Variants in TAF6L observed in about 807,000 individuals in gnomAD.
TAF6L encodes the protein TATA-box binding protein associated factor 6 like, also known as TAF6-like RNA polymerase II p300/CBP-associated factor-associated factor 65 kDa subunit 6L.
Under a neutral mutation model 57.3 loss-of-function variants are expected in TAF6L, and 34 were observed. The ratio of observed to expected loss-of-function variants is 0.59; its 90% CI spans 0.45 to 0.79. The LOEUF (loss-of-function observed/expected upper bound fraction) is 0.79. Ranked by LOEUF, TAF6L falls within the 30% of genes least tolerant of loss-of-function variation. The pLI is 0.00. For synonymous variants in TAF6L, 417 were observed against 376.3 expected (o/e 1.11, Z -1.25); for missense variants, 782 against 853.2 (o/e 0.92, Z 1.04).
At chr11:62,775,332 T>C (rs2084178797) in intron 1 of TAF6L, among the ~76,000 whole-genome samples, 1 of 152,188 alleles carries the variant, frequency 6.6e-6, no homozygotes, top group Non-Finnish European at 1.5e-5. Context: ...CTGGTCCCGC[T>C]CTTGACACGT....
chr11:62,773,306 C>T (rs2084163269), intron 1 of TAF6L, among the ~76,000 whole-genome samples: 1 of 151,680 alleles, frequency 6.6e-6, no homozygotes, highest in African/African-American at 2.4e-5. Flanking sequence ...GACCACCATG[C>T]CTAGCTAATT....
Position 62,775,927 on chromosome 11 carries a change from G to T in TAF6L, c.144G>T (p.Thr48=). The T allele has an allele frequency of 6.2e-7, 1 of 1,607,236 alleles. No individual in the cohort carries two copies. The highest frequency in any genetic ancestry group is 8.5e-7 in the Non-Finnish European group (1 of 1,176,244). Residue 48 remains threonine, a synonymous_variant, in exon 2 of 11, where the codon ACG becomes ACT. Transcript: ENST00000294168. ...TGTGCTATCGTCTGAGAGAGGCCAC[G>T]CAGGTACACTCCCCTCACCCCCTGA... ...EDVCYRLREA[T]QNSSQFMKHT... is the part of the protein sequence containing the mutation.
chr11:62,778,518 C>T (rs2084203767), intron 5 of TAF6L, 183 bp downstream of exon 5: 1 of 690,086 alleles, frequency 1.4e-6, no homozygotes, highest in South Asian at 1.7e-5. Context: ...GGGGCCCAGA[C>T]CTGTAACTAG....
chr11:62,778,241 G>A (rs2084201715), intron 4 of TAF6L, 44 bp from the exon 5 acceptor site: 2 of 1,613,964 alleles, frequency 1.2e-6, no homozygotes, highest in Non-Finnish European at 1.7e-6. Flanking sequence ...GGTACTCTAA[G>A]GGGCAAAACG....
chr11:62,781,816 C>CT, intron 6 of TAF6L, 78 bp from the exon 7 acceptor site: 1 of 1,202,010 alleles, frequency 8.3e-7, no homozygotes, highest in South Asian at 1.2e-5. Flanking sequence ...AGGTGATACA[C>CT]TGTCTTCCAG....
At chr11:62,784,581 C>T (rs2084256768) in intron 9 of TAF6L, among the ~76,000 whole-genome samples, 2 of 152,194 alleles carry the variant, frequency 1.3e-5, no homozygotes, top group Non-Finnish European at 2.9e-5. Context: ...GTTGGGATTA[C>T]AGGTGTGAGC....
intron 6 of TAF6L, 50 bp from the exon 7 acceptor site, chr11:62,781,844 G>A (rs763694808): frequency 5.3e-6 from 8 of 1,512,570 alleles, no homozygotes; most frequent in Non-Finnish European, 7.4e-6. Context: ...CCGCATTCAT[G>A]TTTTACAATT....
chr11:62,782,705 C>A lies in TAF6L; in HGVS notation c.840C>A (p.Asp280Glu). ...GGTGCTCCCACAGGACTCATGGGGA[C>A]CTTGTAAGTGGCCTCTATCAGCATA... ...LLSHIFWTHGDLVSGLYQHIL... is the reference protein window; with the variant it reads ...LLSHIFWTHGELVSGLYQHIL... The change falls in exon 9 of 11, where the codon GAC becomes GAA. Residue 280 changes from aspartate (D) to glutamate (E), a missense_variant. Physicochemically the swap from Asp to Glu is conservative, Grantham distance 45 (BLOSUM62 2). Coordinates refer to ENST00000294168, the MANE Select transcript of TAF6L (RefSeq NM_006473.4). The A allele has an allele frequency of 6.2e-7, 1 of 1,612,180 alleles. No individual in the cohort carries two copies. The highest frequency in any genetic ancestry group is 8.5e-7 in the Non-Finnish European group (1 of 1,179,990).
At chr11:62,774,577 T>C (rs948724486) in intron 1 of TAF6L, 4 of 454,540 alleles carry the variant, frequency 8.8e-6, no homozygotes, top group African/African-American at 2.0e-5. Flanking sequence ...TGCATCACTT[T>C]GGCGCACGGG....
chr11:62,786,557 C>T lies in TAF6L; in HGVS notation c.1130C>T (p.Ala377Val). ...ERLLKMKAQA[A>V]EPNRGGPGGR... ...CTGCTGAAGATGAAGGCCCAGGCAG[C>T]AGAGCCCAACAGGGGTGGCCCAGGT... The change falls in exon 11 of 11, where the codon GCA (alanine) becomes GTA (valine). Residue 377 changes from alanine (A) to valine (V), a missense_variant. Physicochemically the swap from Ala to Val is moderately conservative, Grantham distance 64 (BLOSUM62 0). Transcript: ENST00000294168. The T allele has an allele frequency of 6.4e-7, 1 of 1,555,934 alleles. No individual in the cohort carries two copies. The highest frequency in any genetic ancestry group is 8.7e-7 in the Non-Finnish European group (1 of 1,150,314).
chr11:62,783,413 C>A (rs934069566), intron 9 of TAF6L, among the ~76,000 whole-genome samples: 1 of 150,402 alleles, frequency 6.6e-6, no homozygotes, highest in Non-Finnish European at 1.5e-5. Context: ...ACCCGGGAGG[C>A]GGAGCTTGCA....
intron 9 of TAF6L, chr11:62,786,002 A>G (rs1210453936): frequency 8.5e-6 from 3 of 353,956 alleles, no homozygotes. Flanking sequence ...AGTAATGAGC[A>G]TTATTTAGCA....
At chr11:62,782,526 G>T in intron 8 of TAF6L, 167 bp from the exon 9 acceptor site, 3 of 1,112,682 alleles carry the variant, frequency 2.7e-6, no homozygotes, top group Middle Eastern at 6.1e-4. Context: ...CAAGGTATTG[G>T]TTCTTCAGCC....
chr11:62,773,708 A>G (rs1425661702), intron 1 of TAF6L, among the ~76,000 whole-genome samples: 2 of 152,186 alleles, frequency 1.3e-5, no homozygotes, highest in African/African-American at 4.8e-5. Context: ...TTGGCCTCCG[A>G]AAGTGCTGGG....
intron 9 of TAF6L, 83 bp from the exon 10 acceptor site, chr11:62,786,177 A>G: frequency 6.6e-7 from 1 of 1,516,406 alleles, no homozygotes; most frequent in Non-Finnish European, 9.0e-7. Flanking sequence ...TCAGAGATAA[A>G]GGTAGGTCTT....
chr11:62,774,517 A>G (rs3017668), intron 1 of TAF6L: 22,410 of 451,822 alleles, frequency 0.05, 1,190 homozygotes, highest in African/African-American at 0.18. Flanking sequence ...AGTGGGGGCA[A>G]TGCCTGGGTG....
chr11:62,786,450 C>T, intron 10 of TAF6L, 62 bp downstream of exon 10: 1 of 1,596,578 alleles, frequency 6.3e-7, no homozygotes, highest in Non-Finnish European at 8.6e-7. Context: ...AGCAGGCTTA[C>T]TTTGGAATAT....
In TAF6L at chr11:62,783,785, G is replaced by A. The variant is rs191232665; in HGVS notation, c.960+960G>A. 9.5e-4 allele frequency among the ~76,000 whole-genome samples: 144 copies of A among 151,654 alleles called. 2 individuals are homozygous for A. The highest frequency in any genetic ancestry group is 3.4e-3 in the Middle Eastern group (1 of 294). ...TAGCCTCAAGTGGTCTGCCTGCCTC[G>A]GCTTCCCATAGTGCTGGGATTATAG... On this transcript the variant is annotated intron_variant, in intron 9 of 10. Transcript: ENST00000294168.
chr11:62,779,170 G>A (rs563113815), intron 6 of TAF6L, among the ~76,000 whole-genome samples: 7 of 152,070 alleles, frequency 4.6e-5, no homozygotes, highest in Admixed American at 6.6e-5. Context: ...ACAGGCGTGT[G>A]CCAGCATGCC....
Sources: allele counts gnomAD v4.1 joint callset (sites outside exome capture counted in the v4.1 genomes callset), GRCh38; gene constraint gnomAD v4.1.1; transcripts MANE v1.5; gene names NCBI Gene and HGNC (gene_info 2026-07-23, HGNC 2026-07-21).